Variants in HLA-DOA observed in about 807,000 individuals in gnomAD.
HLA-DOA encodes major histocompatibility complex, class II, DO alpha, also known as HLA class II histocompatibility antigen, DO alpha chain.
Under a neutral mutation model 22.9 loss-of-function variants are expected in HLA-DOA, and 27 were observed. The ratio of observed to expected loss-of-function variants is 1.18; its 90% confidence interval spans 0.87 to 1.62. The LOEUF is 1.62. Ranked by LOEUF, HLA-DOA falls within the 40% of genes most tolerant of loss-of-function variation. HLA-DOA has a pLI of 0.00. For synonymous variants in HLA-DOA, 137 were observed against 138.6 expected (o/e 0.99, Z 0.08); for missense variants, 324 against 332.4 (o/e 0.97, Z 0.20).
In HLA-DOA at chr6:33,008,036, G is replaced by C; in HGVS notation, c.308C>G (p.Ser103Cys). The C allele has an allele frequency of 6.2e-7, 1 of 1,612,856 alleles. No individual in the cohort carries two copies. Among genetic ancestry groups the C allele is most frequent in the Non-Finnish European group, 8.5e-7 (1 of 1,179,962 alleles). ...ACCGTTGATGGCTCTGCTGCGGTTGGAGCGCTCCACCAGGATGTCCAGATG... is the reference window on the plus strand; with the variant it reads ...ACCGTTGATGGCTCTGCTGCGGTTGCAGCGCTCCACCAGGATGTCCAGATG... Reference protein sequence around the residue: ...KAHLDILVERSNRSRAINVPP... With the variant: ...KAHLDILVERCNRSRAINVPP... Residue 103 changes from serine (S) to cysteine (C), a missense_variant, in exon 2 of 5, where the codon TCC becomes TGC. Coordinates refer to ENST00000229829, the MANE Select transcript of HLA-DOA (RefSeq NM_002119.4).
rs1445756200 is a variant in HLA-DOA, at chr6:33,008,226, G to C, written c.118C>G (p.Gln40Glu). ...HMGSYGPAFYQSYGASGQFTH... is the reference protein window; with the variant it reads ...HMGSYGPAFYESYGASGQFTH... ...AACTGGCCCGAGGCGCCGTAAGACT[G>C]GTAGAAGGCGGGTCCGTAGGAGCCC... The change falls in exon 2 of 5, where the codon CAG becomes GAG. Residue 40 changes from glutamine (Q) to glutamate (E), a missense_variant. Coordinates refer to ENST00000229829, the MANE Select transcript of HLA-DOA (RefSeq NM_002119.4). 1.2e-6 allele frequency: 2 copies of C among 1,612,918 alleles called. No individual in the cohort carries two copies. The highest frequency in any genetic ancestry group is 4.5e-5 in the East Asian group (2 of 44,888).
rs364950 is a variant in HLA-DOA, at chr6:33,008,119, A to G, written c.225T>C (p.Gly75=). 0.035 allele frequency: 56,850 copies of G among 1,613,006 alleles called. 2,355 individuals are homozygous for G. The highest frequency in any genetic ancestry group is 0.21 in the African/African-American group (15,512 of 75,012). Reference sequence around the variant, plus strand: ...CCTGCGGGTCAAAGCGGGCAAAGTCACCAAACTCAGGCAGACGCCACACGG... The same window carrying G: ...CCTGCGGGTCAAAGCGGGCAAAGTCGCCAAACTCAGGCAGACGCCACACGG... ...SEAVWRLPEF[G]DFARFDPQGG... Residue 75 remains glycine (G), a synonymous_variant, in exon 2 of 5, where the codon GGT becomes GGC. Transcript: ENST00000229829.
chr6:33,008,149 G>A lies in HLA-DOA; in HGVS notation c.195C>T (p.Ser65=), dbSNP rs749544994. Residue 65 remains serine, a synonymous_variant, in exon 2 of 5, where the codon AGC becomes AGT. Transcript: ENST00000229829. ...EQLFSVDLKK[S]EAVWRLPEFG... ...ACTCAGGCAGACGCCACACGGCCTC[G>A]CTTTTCTTCAGGTCCACAGAGAACA... 1.9e-6 allele frequency: 3 copies of A among 1,613,058 alleles called. No homozygotes were observed. Among genetic ancestry groups the A allele is most frequent in the Non-Finnish European group, 8.5e-7 (1 of 1,180,046 alleles).
In HLA-DOA at chr6:33,007,511, A is replaced by G. The variant is rs1562011675; in HGVS notation, c.413T>C (p.Ile138Thr). 4 of 1,612,972 alleles carry G rather than the reference A, an allele frequency of 2.5e-6. No individual in the cohort carries two copies. The highest frequency in any genetic ancestry group is 4.5e-5 in the East Asian group (2 of 44,878). ...PNILICIVDN[I>T]FPPVINITWL... ...GGTGATATTGATCACAGGGGGGAAGATGTTGTCCACGATGCAGATGAGGAT... is the reference window on the plus strand; with the variant it reads ...GGTGATATTGATCACAGGGGGGAAGGTGTTGTCCACGATGCAGATGAGGAT... Residue 138 changes from isoleucine to threonine, a missense_variant, in exon 3 of 5, where the codon ATC becomes ACC. Transcript: ENST00000229829.
chr6:33,004,892 G>A lies in HLA-DOA; in HGVS notation c.*1946C>T, dbSNP rs1780748647. 6.6e-6 allele frequency: 1 copy of A among 152,174 alleles called. No individual in the cohort carries two copies. 9.4% of individuals were successfully genotyped at this position (152,174 alleles called of 1,614,324 possible). On this transcript the variant is annotated 3_prime_UTR_variant, in exon 5 of 5. Coordinates refer to ENST00000229829, the MANE Select transcript of HLA-DOA (RefSeq NM_002119.4). ...CCTCCACTTCCATCAGGGTCTTCTG[G>A]TCATTGATTTCAACTTATTCTCTCT...
Position 33,007,169 on chromosome 6 carries a change from G to A in HLA-DOA, c.660C>T (p.Val220=), listed in dbSNP as rs376816184. The stretch of plus-strand genomic sequence containing the variant: ...GGCCGATGGCCAGGCCCAGGGCACA[G>A]ACCAGGGTCTCCATGGCATCTGGTG... ...IPPPDAMETL[V]CALGLAIGLV... is the part of the protein sequence containing the mutation. Residue 220 remains valine (V), a synonymous_variant, in exon 4 of 5, where the codon GTC becomes GTT. Transcript: ENST00000229829. The A allele has an allele frequency of 4.8e-5, 77 of 1,613,776 alleles. No homozygotes were observed. The highest frequency in any genetic ancestry group is 6.0e-5 in the Non-Finnish European group (71 of 1,180,026).
rs774778791 is a variant in HLA-DOA at position 33,008,154 on chromosome 6, T to C, written c.190A>G (p.Lys64Glu). 5 of 1,613,074 alleles carry C rather than the reference T, an allele frequency of 3.1e-6. No individual in the cohort carries two copies. The South Asian group carries it at 5.5e-5, about 18-fold the overall frequency. The change falls in exon 2 of 5, where the codon AAA becomes GAA. Residue 64 changes from lysine to glutamate, a missense_variant. Lys to Glu is a moderately conservative substitution (Grantham distance 56, BLOSUM62 1). Coordinates refer to ENST00000229829, the MANE Select transcript of HLA-DOA (RefSeq NM_002119.4). ...EEQLFSVDLK[K>E]SEAVWRLPEF... ...GGCAGACGCCACACGGCCTCGCTTT[T>C]CTTCAGGTCCACAGAGAACAGCTGT...
chr6:33,007,246 A>G (rs763514819), intron 3 of HLA-DOA, 31 bp from the exon 4 acceptor site: 45 of 1,613,476 alleles, frequency 2.8e-5, no homozygotes, highest in Non-Finnish European at 3.6e-5. Context: ...TTGGTGGTAT[A>G]TGAAAGGATT....
chr6:33,007,049 C>T (rs773654457), intron 4 of HLA-DOA, 31 bp downstream of exon 4: 7 of 1,590,708 alleles, frequency 4.4e-6, no homozygotes, highest in East Asian at 2.2e-5. Context: ...ACTTTCCTCC[C>T]CCACCCCCCA....
Position 33,007,067 on chromosome 6 carries a change from G to A in HLA-DOA, c.749+13C>T, listed in dbSNP as rs770548200. On this transcript the variant is annotated intron_variant, in intron 4 of 4. Transcript: ENST00000229829. ...TTCCTCCCCCACCCCCCAGACTCCC[G>A]GGGCCTCTGCACCTGGGGACACTGG... 3.1e-5 allele frequency: 50 copies of A among 1,602,924 alleles called. No individual in the cohort carries two copies. The highest frequency in any genetic ancestry group is 5.1e-5 in the Admixed American group (3 of 58,570).
At chr6:33,007,624 C>T (rs1780878726) in intron 2 of HLA-DOA, 32 bp from the exon 3 acceptor site, 1 of 1,592,400 alleles carries the variant, frequency 6.3e-7, no homozygotes, top group African/African-American at 1.3e-5. Flanking sequence ...TCCACAGGCT[C>T]ATCCCTCACC....
rs10947368 is a variant in HLA-DOA at position 33,007,564 on chromosome 6, C to T, written c.360G>A (p.Lys120=). 6.1e-3 allele frequency: 9,887 copies of T among 1,612,550 alleles called. 534 individuals carry two copies. The African/African-American group carries it at 0.11, about 18-fold the overall frequency. ...NVPPRVTVLP[K]SRVELGQPNI... is the part of the protein sequence containing the mutation. Reference sequence around the variant, plus strand: ...TGGGCTGGCCCAGCTCCACCCGAGACTTGGGGAGCACGGTCACCCGTGGAG... The same window carrying T: ...TGGGCTGGCCCAGCTCCACCCGAGATTTGGGGAGCACGGTCACCCGTGGAG... The change falls in exon 3 of 5, where the codon AAG becomes AAA. Residue 120 remains lysine, a synonymous_variant. Transcript: ENST00000229829.
chr6:33,007,172 C>T lies in HLA-DOA; in HGVS notation c.657G>A (p.Leu219=). Residue 219 remains leucine (L), a synonymous_variant, in exon 4 of 5, where the codon CTG becomes CTA. Coordinates refer to ENST00000229829, the MANE Select transcript of HLA-DOA (RefSeq NM_002119.4). ...PIPPPDAMET[L]VCALGLAIGL... ...CGATGGCCAGGCCCAGGGCACAGAC[C>T]AGGGTCTCCATGGCATCTGGTGGTG... 1 of 1,613,878 alleles carries T rather than the reference C, an allele frequency of 6.2e-7. No homozygotes were observed. The highest frequency in any genetic ancestry group is 8.5e-7 in the Non-Finnish European group (1 of 1,180,032).
chr6:33,006,686 CA>C lies in HLA-DOA; in HGVS notation c.*151del. On this transcript the variant is annotated 3_prime_UTR_variant, in exon 5 of 5. Transcript: ENST00000229829. ...CAAACCCTGCCATGAATACTGGGGC[CA>C]AAAAAGAGGGGACCCGTAGGACAGA... 5.7e-6 allele frequency: 7 copies of C among 1,238,010 alleles called. No homozygotes were observed. The highest frequency in any genetic ancestry group is 1.5e-5 in the African/African-American group (1 of 67,924). The allele number at this position is 1,238,010 out of a possible 1,614,324, so 76.7% of individuals were successfully genotyped here. A position where few individuals can be genotyped will look rare whatever the true frequency, so the allele number is the denominator to read the frequency against.
At position 33,005,767 on chromosome 6, in the gene HLA-DOA, G is replaced by A. The variant is rs758648827; in HGVS notation, c.*1071C>T. The A allele has an allele frequency of 1.3e-5, 2 of 152,042 alleles. No individual in the cohort carries two copies. Among genetic ancestry groups the A allele is most frequent in the African/African-American group, 4.8e-5 (2 of 41,392 alleles). 9.4% of individuals were successfully genotyped at this position (152,042 alleles called of 1,614,324 possible). ...TAATTTTTAAATCTTTCTTTGTAGAGATGGGGTCTCTCTATGTAGCCCAAG... is the reference window on the plus strand; with the variant it reads ...TAATTTTTAAATCTTTCTTTGTAGAAATGGGGTCTCTCTATGTAGCCCAAG... On this transcript the variant is annotated 3_prime_UTR_variant, in exon 5 of 5. Transcript: ENST00000229829.
In HLA-DOA at chr6:33,008,013, C is replaced by A. The variant is rs779800114; in HGVS notation, c.331G>T (p.Val111Leu). ...GGGTGGGCAGAGGGAGGGCCGGTAC[C>A]GTTGATGGCTCTGCTGCGGTTGGAG... is the stretch of plus-strand genomic sequence containing the variant. ...ERSNRSRAIN[V>L]PPRVTVLPKS... Residue 111 changes from valine (V) to leucine (L), a missense_variant and splice_region_variant, in exon 2 of 5, where the codon GTG (valine) becomes TTG (leucine). Physicochemically the swap from Val to Leu is conservative, Grantham distance 32 (BLOSUM62 1). Coordinates refer to ENST00000229829, the MANE Select transcript of HLA-DOA (RefSeq NM_002119.4). 1 of 1,610,506 alleles carries A rather than the reference C, an allele frequency of 6.2e-7. No homozygotes were observed. Among genetic ancestry groups the A allele is most frequent in the Non-Finnish European group, 8.5e-7 (1 of 1,178,280 alleles).
chr6:33,007,406 T>C lies in HLA-DOA; in HGVS notation c.518A>G (p.Lys173Arg). 1 of 1,605,556 alleles carries C rather than the reference T, an allele frequency of 6.2e-7. No homozygotes were observed. Among genetic ancestry groups the C allele is most frequent in the Non-Finnish European group, 8.5e-7 (1 of 1,175,498 alleles). ...FYSQPDHLFR[K>R]FHYLPFVPSA... Reference sequence around the variant, plus strand: ...GGGCACGAAGGGCAGGTAGTGGAACTTGCGGAACAAATGGTCAGGCTGGGA... The same window carrying C: ...GGGCACGAAGGGCAGGTAGTGGAACCTGCGGAACAAATGGTCAGGCTGGGA... The change falls in exon 3 of 5, where the codon AAG becomes AGG. Residue 173 changes from lysine to arginine, a missense_variant. Coordinates refer to ENST00000229829, the MANE Select transcript of HLA-DOA (RefSeq NM_002119.4).
rs966078870 is a variant in HLA-DOA at position 33,006,375 on chromosome 6, C to A, written c.*463G>T. On this transcript the variant is annotated 3_prime_UTR_variant, in exon 5 of 5. Coordinates refer to ENST00000229829, the MANE Select transcript of HLA-DOA (RefSeq NM_002119.4). ...GGAACAGGATAATCTGCATCCCTTT[C>A]AGGGTAAACCTGAACTCAGGAGGCA... 8.0e-6 allele frequency: 2 copies of A among 249,684 alleles called. No individual in the cohort carries two copies. The highest frequency in any genetic ancestry group is 6.4e-5 in the South Asian group (1 of 15,666). The allele number at this position is 249,684 out of a possible 1,614,324, so 15.5% of individuals were successfully genotyped here.
At chr6:33,006,964 G>T in intron 4 of HLA-DOA, 116 bp downstream of exon 4, 2 of 1,474,766 alleles carry the variant, frequency 1.4e-6, no homozygotes, top group Non-Finnish European at 1.9e-6. Context: ...TTTTCTCCCT[G>T]CCCATTTCTT....
Sources: allele counts gnomAD v4.1 joint callset, GRCh38; gene constraint gnomAD v4.1.1; transcripts MANE v1.5; gene names NCBI Gene and HGNC (gene_info 2026-07-23, HGNC 2026-07-21).